The following MALRD1 variants were observed in gnomAD, a reference collection of about 807,000 sequenced individuals.
The protein encoded by MALRD1 is MAM and LDL receptor class A domain containing 1, also known as MAM and LDL-receptor class A domain-containing protein 1.
Under a neutral mutation model 242.1 loss-of-function variants are expected in MALRD1, and 247 were observed. That is an observed-to-expected ratio of 1.02 (90% CI 0.92 to 1.13). MALRD1 has a LOEUF of 1.13. Among genes scored for constraint, MALRD1 ranks in the 50% most tolerant of loss-of-function variants. The probability of loss-of-function intolerance (pLI) is 0.00; values close to 1 mark genes in which losing one functional copy is unlikely to be tolerated. For missense variants in MALRD1, 2,989 were observed against 2,533.1 expected (o/e 1.18, Z -3.86); for synonymous variants, 995 against 866.6 (o/e 1.15, Z -2.60).
chr10:19,515,081 C>CAA (rs199895436), intron 31 of MALRD1, among the ~76,000 whole-genome samples: 19,195 of 144,348 alleles, frequency 0.13, 1,291 homozygotes, highest in East Asian at 0.22. Context: ...TGCTTTAGGA[C>CAA]AAAAAAAAAA....
At chr10:19,690,504 G>A (rs999124634) in intron 36 of MALRD1, among the ~76,000 whole-genome samples, 7 of 151,800 alleles carry the variant, frequency 4.6e-5, no homozygotes, top group Non-Finnish European at 8.8e-5. Flanking sequence ...CCTCTAAATG[G>A]GTGACGAGGT....
chr10:19,423,099 T>G (rs1256542688), intron 28 of MALRD1, among the ~76,000 whole-genome samples: 2 of 152,216 alleles, frequency 1.3e-5, no homozygotes, highest in Non-Finnish European at 2.9e-5. Flanking sequence ...AAAAATGTGC[T>G]AATTCCAATT....
chr10:19,656,930 G>A (rs1384074655), intron 36 of MALRD1, among the ~76,000 whole-genome samples: 1 of 151,644 alleles, frequency 6.6e-6, no homozygotes, highest in Admixed American at 6.6e-5. Flanking sequence ...GATCTGGTTT[G>A]TTTTTATTTT....
intron 31 of MALRD1, among the ~76,000 whole-genome samples, chr10:19,507,919 C>T (rs10827505): frequency 0.21 from 32,537 of 151,914 alleles, 5,157 homozygotes; most frequent in African/African-American, 0.45. Flanking sequence ...TTTTTGAAGC[C>T]CATTTTTTTG....
chr10:19,541,359 T>G (rs1834960311), intron 32 of MALRD1, among the ~76,000 whole-genome samples: 1 of 152,148 alleles, frequency 6.6e-6, no homozygotes, highest in African/African-American at 2.4e-5. Flanking sequence ...TTTAAGCATA[T>G]TTAACAAATT....
intron 34 of MALRD1, among the ~76,000 whole-genome samples, chr10:19,597,681 C>G (rs1458876013): frequency 1.3e-5 from 2 of 152,130 alleles, no homozygotes; most frequent in Non-Finnish European, 2.9e-5. Flanking sequence ...AGAGCTCAGG[C>G]TGAAGATGTG....
intron 36 of MALRD1, among the ~76,000 whole-genome samples, chr10:19,679,831 C>T (rs1037352997): frequency 3.3e-5 from 5 of 152,136 alleles, no homozygotes; most frequent in African/African-American, 9.7e-5. Flanking sequence ...AGCTGTGTCC[C>T]AGAGATTCTG....
intron 32 of MALRD1, among the ~76,000 whole-genome samples, chr10:19,542,855 G>A (rs116606762): frequency 0.015 from 2,301 of 152,166 alleles, 59 homozygotes; most frequent in African/African-American, 0.053. Context: ...TGTTTTACCT[G>A]TCTTAGATTT....
rs114724357 is a variant in MALRD1 at position 19,616,804 on chromosome 10, G to A, written c.6137+881G>A. ...AAACAATAACAAAAATTTTATGATG[G>A]ACCATATTTAGACACTGCTTTAGTT... On this transcript the variant is annotated intron_variant, in intron 36 of 39. Transcript: ENST00000454679. Among the ~76,000 whole-genome samples, 1,315 of 151,946 alleles carry A rather than the reference G, an allele frequency of 8.7e-3. 17 individuals carry two copies. Among genetic ancestry groups the A allele is most frequent in the African/African-American group, 0.03 (1,259 of 41,486 alleles).
intron 13 of MALRD1, among the ~76,000 whole-genome samples, chr10:19,170,288 T>C (rs916910995): frequency 6.6e-6 from 1 of 152,202 alleles, no homozygotes; most frequent in African/African-American, 2.4e-5. Context: ...TAGATTCTTT[T>C]AATATTTCTT....
At chr10:19,122,153 T>C (rs377045957) in intron 5 of MALRD1, among the ~76,000 whole-genome samples, 79 of 152,246 alleles carry the variant, frequency 5.2e-4, no homozygotes, top group African/African-American at 1.8e-3. Context: ...CTGACATCTC[T>C]AATAAAGGAA....
chr10:19,294,677 C>A (rs1841607315), intron 21 of MALRD1, among the ~76,000 whole-genome samples: 1 of 152,112 alleles, frequency 6.6e-6, no homozygotes, highest in African/African-American at 2.4e-5. Flanking sequence ...ATACCCAAGG[C>A]ATTCTCTATC....
chr10:19,436,373 T>G (rs958235219), intron 28 of MALRD1, among the ~76,000 whole-genome samples: 3 of 152,186 alleles, frequency 2.0e-5, no homozygotes, highest in African/African-American at 7.2e-5. Flanking sequence ...CCAACTACAG[T>G]CTATTACCAC....
chr10:19,418,989 A>C (rs1833614950), intron 28 of MALRD1, among the ~76,000 whole-genome samples: 1 of 152,144 alleles, frequency 6.6e-6, no homozygotes, highest in Non-Finnish European at 1.5e-5. Flanking sequence ...GGTGGAGCAC[A>C]TACGTGATCA....
intron 32 of MALRD1, among the ~76,000 whole-genome samples, chr10:19,550,542 G>A (rs1243451188): frequency 1.3e-5 from 2 of 151,950 alleles, no homozygotes; most frequent in Non-Finnish European, 1.5e-5. Context: ...TCCCCTCTAT[G>A]TGTCCACATG....
intron 18 of MALRD1, among the ~76,000 whole-genome samples, chr10:19,235,612 G>GAGAGAGAGAT (rs1838284535): frequency 7.6e-6 from 1 of 130,910 alleles, no homozygotes. Flanking sequence ...GAGAGAGAGA[G>GAGAGAGAGAT]AGCGCCTAGG....
intron 4 of MALRD1, among the ~76,000 whole-genome samples, chr10:19,094,764 T>C (rs1340538510): frequency 6.6e-6 from 1 of 152,238 alleles, no homozygotes; most frequent in East Asian, 1.9e-4. Flanking sequence ...ATTCATTTCA[T>C]AGATAAACTT....
intron 21 of MALRD1, among the ~76,000 whole-genome samples, chr10:19,295,538 T>C (rs914203644): frequency 6.6e-6 from 1 of 151,902 alleles, no homozygotes; most frequent in Non-Finnish European, 1.5e-5. Flanking sequence ...AGATAATAGA[T>C]GTTTATTAAA....
At chr10:19,461,935 A>G (rs957336716) in intron 29 of MALRD1, among the ~76,000 whole-genome samples, 2 of 152,140 alleles carry the variant, frequency 1.3e-5, no homozygotes. Flanking sequence ...ACGAGCCTGG[A>G]CACATTGTTG....
Sources: allele counts gnomAD v4.1 joint callset (sites outside exome capture counted in the v4.1 genomes callset), GRCh38; gene constraint gnomAD v4.1.1; transcripts MANE v1.5; gene names NCBI Gene and HGNC (gene_info 2026-07-23, HGNC 2026-07-21).